The following ZNF516 variants were observed in gnomAD, a reference collection of about 807,000 sequenced individuals.
The protein encoded by ZNF516 is zinc finger protein 516.
Under a neutral mutation model 79.7 loss-of-function variants are expected in ZNF516, and 19 were observed. That is an observed-to-expected ratio of 0.24 (90% confidence interval 0.17 to 0.35). The LOEUF (loss-of-function observed/expected upper bound fraction) is 0.35. Among genes scored for constraint, ZNF516 ranks in the 10% least tolerant of loss-of-function variants. The pLI is 1.00. For synonymous variants in ZNF516, 877 were observed against 739.5 expected (o/e 1.19, Z -3.02); for missense variants, 1,678 against 1,679.5 (o/e 1.00, Z 0.02).
intron 6 of ZNF516, among the ~76,000 whole-genome samples, chr18:76,366,824 A>G (rs1860560509): frequency 6.6e-6 from 1 of 152,216 alleles, no homozygotes; most frequent in African/African-American, 2.4e-5. Context: ...AAGCACCATT[A>G]TCATTATTTT....
chr18:76,474,475 C>G (rs935857235), intron 1 of ZNF516, among the ~76,000 whole-genome samples: 2 of 152,164 alleles, frequency 1.3e-5, no homozygotes, highest in African/African-American at 4.8e-5. Flanking sequence ...TCTAAACTCT[C>G]TGTAACAACT....
intron 2 of ZNF516, among the ~76,000 whole-genome samples, chr18:76,443,446 G>A (rs186502660): frequency 6.6e-6 from 1 of 152,196 alleles, no homozygotes. Flanking sequence ...GTTAATGATT[G>A]TGCACCAAAA....
rs1221919320 is a variant in ZNF516 at position 76,459,837 on chromosome 18, G to A, written c.-158+3191C>T. Among the ~76,000 whole-genome samples the A allele has an allele frequency of 6.6e-6, 1 of 152,206 alleles. No homozygotes were observed. The highest frequency in any genetic ancestry group is 1.5e-5 in the Non-Finnish European group (1 of 68,042). ...GACGGTGGCAGGCAGGCTAAGAACAGGCGATCCGGCAGGCACAAGAAGGAA... is the reference window on the plus strand; with the variant it reads ...GACGGTGGCAGGCAGGCTAAGAACAAGCGATCCGGCAGGCACAAGAAGGAA... On this transcript the variant is annotated intron_variant, in intron 2 of 6. Transcript: ENST00000443185. The surrounding 1 kb of genome is among the most constrained non-coding windows in gnomAD (Gnocchi z 5.0).
intron 5 of ZNF516, among the ~76,000 whole-genome samples, 160 bp from the exon 6 acceptor site, chr18:76,370,755 CTG>C (rs2074690017): frequency 6.6e-6 from 1 of 152,240 alleles, no homozygotes; most frequent in African/African-American, 2.4e-5. Context: ...CAGTAAGAGA[CTG>C]TGATAATGGC....
chr18:76,398,554 G>T (rs2075175333), intron 3 of ZNF516, among the ~76,000 whole-genome samples: 1 of 152,140 alleles, frequency 6.6e-6, no homozygotes, highest in Non-Finnish European at 1.5e-5. Context: ...ATGAAAATAA[G>T]GAAGCTTAGA....
Position 76,494,803 on chromosome 18 carries a change from A to G in ZNF516, c.-272+341T>C, listed in dbSNP as rs112238746. ...CCCCTCCTCCCGCGTCGCCTTTGAC[A>G]AAGTGTACAAAGCCAGAGCCTCTTC... On this transcript the variant is annotated intron_variant, in intron 1 of 6. Coordinates refer to ENST00000443185, the MANE Select transcript of ZNF516 (RefSeq NM_014643.4). Among the ~76,000 whole-genome samples, 1,065 of 150,856 alleles carry G rather than the reference A, an allele frequency of 7.1e-3. 10 individuals are homozygous for G. Among genetic ancestry groups the G allele is most frequent in the African/African-American group, 0.022 (901 of 41,032 alleles).
chr18:76,381,171 G>A (rs1031969976), intron 3 of ZNF516, among the ~76,000 whole-genome samples: 33 of 152,314 alleles, frequency 2.2e-4, no homozygotes, highest in Non-Finnish European at 8.8e-5. Flanking sequence ...AAACACAGCC[G>A]AGGTGTGGGC....
chr18:76,440,136 G>A (rs565259707), intron 3 of ZNF516, among the ~76,000 whole-genome samples: 6 of 152,216 alleles, frequency 3.9e-5, no homozygotes, highest in Non-Finnish European at 8.8e-5. Flanking sequence ...TGCTACAGGA[G>A]AAAAGACTTG....
intron 3 of ZNF516, chr18:76,386,603 G>A (rs951237184): frequency 3.3e-5 from 5 of 152,100 alleles, no homozygotes; most frequent in Non-Finnish European, 7.4e-5. Flanking sequence ...GGAGCCTCAG[G>A]AATAAAACTT....
intron 3 of ZNF516, among the ~76,000 whole-genome samples, chr18:76,383,820 CACAGA>C (rs758349961): frequency 5.9e-5 from 9 of 152,242 alleles, no homozygotes; most frequent in Non-Finnish European, 1.2e-4. Context: ...ATCAGTAAGC[CACAGA>C]ACAGACGGCT....
chr18:76,424,836 G>T (rs1355189890), intron 3 of ZNF516, among the ~76,000 whole-genome samples: 4 of 129,280 alleles, frequency 3.1e-5, no homozygotes, highest in South Asian at 2.5e-4. Flanking sequence ...AGGTGAAAAG[G>T]CTCCCCCATG....
intron 3 of ZNF516, among the ~76,000 whole-genome samples, chr18:76,409,528 T>C (rs1347471568): frequency 2.0e-5 from 3 of 152,196 alleles, no homozygotes; most frequent in Admixed American, 6.5e-5. Flanking sequence ...TTACATTTCA[T>C]TGAACTAGAG....
At chr18:76,496,172 G>A (rs1248032721), upstream of ZNF516, 3 of 1,004,284 alleles carry the variant, frequency 3.0e-6, no homozygotes, top group African/African-American at 3.4e-5. Flanking sequence ...GCGGGGGCGG[G>A]GGAGGGGCGG....
At chr18:76,495,684 A>G (rs1915454123), upstream of ZNF516, 12 of 1,191,718 alleles carry the variant, frequency 1.0e-5, no homozygotes, top group Non-Finnish European at 1.3e-5. Context: ...GCACACGCGC[A>G]TCCATACGTA....
intron 3 of ZNF516, among the ~76,000 whole-genome samples, chr18:76,385,272 A>G (rs889744506): frequency 1.3e-5 from 2 of 152,214 alleles, no homozygotes; most frequent in Admixed American, 1.3e-4. Context: ...ACTGCGTCCC[A>G]AGCTGGCCCT....
chr18:76,403,558 A>G (rs572098200), intron 3 of ZNF516, among the ~76,000 whole-genome samples: 14 of 152,298 alleles, frequency 9.2e-5, no homozygotes, highest in Admixed American at 7.2e-4. Context: ...GTACAATGAG[A>G]TACAGAGCAC....
At chr18:76,375,183 G>C (rs77913375) in intron 4 of ZNF516, among the ~76,000 whole-genome samples, 1,844 of 152,308 alleles carry the variant, frequency 0.012, 87 homozygotes, top group East Asian at 0.097. Flanking sequence ...AAGGCTGCTG[G>C]GTTTCCTTCT....
chr18:76,479,808 G>A (rs902848824), intron 1 of ZNF516, among the ~76,000 whole-genome samples: 13 of 152,204 alleles, frequency 8.5e-5, no homozygotes, highest in Non-Finnish European at 1.8e-4. Context: ...GTCTCCCGAA[G>A]AGACGCCTCC....
intron 3 of ZNF516, among the ~76,000 whole-genome samples, chr18:76,413,946 TTGTC>T (rs1318323419): frequency 6.5e-4 from 99 of 152,364 alleles, no homozygotes; most frequent in African/African-American, 2.0e-3. Flanking sequence ...TTTAAGCAGT[TTGTC>T]TGATTACTAA....
Sources: gnomAD v4.1 joint callset for allele counts (sites outside exome capture counted in the v4.1 genomes callset) on GRCh38, gnomAD v4.1.1 for gene constraint, Gnocchi (gnomAD v3.1) non-coding constraint, MANE v1.5 for transcripts, NCBI Gene and HGNC (gene_info 2026-07-23, HGNC 2026-07-21) for gene names.